Variants in LTBP1 observed in about 807,000 individuals in gnomAD.
The protein encoded by LTBP1 is latent transforming growth factor beta binding protein 1.
Under a neutral mutation model 207.6 loss-of-function variants are expected in LTBP1, and 129 were observed. That is an observed-to-expected ratio of 0.62 (90% CI 0.54 to 0.72). LTBP1 has a LOEUF of 0.72. LTBP1 is among the 30% of genes least tolerant of loss of function. LTBP1 has a pLI of 0.00. For synonymous variants in LTBP1, 963 were observed against 833.7 expected, an observed-to-expected ratio of 1.16 and a Z score of -2.67; for missense variants, 2,281 against 2,217.2, an observed-to-expected ratio of 1.03 and a Z score of -0.58.
At chr2:33,271,423 C>T (rs1250395537) in intron 15 of LTBP1, among the ~76,000 whole-genome samples, 1 of 152,046 alleles carries the variant, frequency 6.6e-6, no homozygotes, top group African/African-American at 2.4e-5. Context: ...CAGTAACTTG[C>T]AAAGGAAGCT....
At chr2:33,179,452 T>C (rs2086402257) in intron 5 of LTBP1, among the ~76,000 whole-genome samples, 2 of 148,578 alleles carry the variant, frequency 1.3e-5, no homozygotes, top group Admixed American at 1.3e-4. Flanking sequence ...ATGCATATAT[T>C]CTTAAAAAAA....
At chr2:32,989,379 AT>A (rs1684067692) in intron 2 of LTBP1, among the ~76,000 whole-genome samples, 2 of 152,336 alleles carry the variant, frequency 1.3e-5, no homozygotes, top group South Asian at 4.1e-4. Flanking sequence ...GTCACAAATC[AT>A]TTGCATAATT....
At chr2:33,385,119 A>G (rs2095254812) in intron 31 of LTBP1, among the ~76,000 whole-genome samples, 1 of 152,198 alleles carries the variant, frequency 6.6e-6, no homozygotes, top group South Asian at 2.1e-4. Flanking sequence ...AAAATGTACT[A>G]TTGTTCATAC....
intron 3 of LTBP1, among the ~76,000 whole-genome samples, chr2:33,108,923 A>T (rs2080228684): frequency 6.6e-6 from 1 of 152,240 alleles, no homozygotes; most frequent in Non-Finnish European, 1.5e-5. Flanking sequence ...AAAAGTGTTC[A>T]CAATGTTAAG....
chr2:33,369,268 G>T (rs961594232), intron 31 of LTBP1, among the ~76,000 whole-genome samples: 2 of 152,042 alleles, frequency 1.3e-5, no homozygotes, highest in Admixed American at 1.3e-4. Flanking sequence ...ATGATAAAAT[G>T]TCCAAGAAGA....
intron 10 of LTBP1, among the ~76,000 whole-genome samples, chr2:33,250,242 A>G (rs1467163282): frequency 5.9e-5 from 9 of 152,248 alleles, no homozygotes; most frequent in Non-Finnish European, 1.3e-4. Context: ...TGTCAGGTAT[A>G]TGTGGCATAA....
In LTBP1 at chr2:32,947,677, T is replaced by C; in HGVS notation, c.353T>C (p.Leu118Pro). ...PARPAVPGGQLHPNPGGHPAA... is the reference protein window; with the variant it reads ...PARPAVPGGQPHPNPGGHPAA... ...CGTCCCGCGGTCCCCGGCGGGCAGC[T>C]CCACCCCAATCCCGGCGGCCACCCG... Residue 118 changes from leucine (L) to proline (P), a missense_variant, in exon 1 of 34, where the codon CTC becomes CCC. Leu to Pro is a moderately conservative substitution (Grantham distance 98). Transcript: ENST00000404816. The C allele has an allele frequency of 6.7e-7, 1 of 1,483,564 alleles. No homozygotes were observed. The highest frequency in any genetic ancestry group is 9.0e-7 in the Non-Finnish European group (1 of 1,114,598). 91.9% of individuals were successfully genotyped at this position (1,483,564 alleles called of 1,614,324 possible).
At chr2:33,332,804 T>A (rs1301342745) in intron 24 of LTBP1, 1 of 152,222 alleles carries the variant, frequency 6.6e-6, no homozygotes, top group Non-Finnish European at 1.5e-5. Flanking sequence ...AAACAGCATT[T>A]GAGCTGAGCT....
chr2:33,347,214 A>G (rs1164848962), intron 25 of LTBP1, among the ~76,000 whole-genome samples, 153 bp from the exon 26 acceptor site: 1 of 151,634 alleles, frequency 6.6e-6, no homozygotes, highest in Non-Finnish European at 1.5e-5. Context: ...TACCTTAAAG[A>G]GCCCCTTCCC....
At chr2:33,361,130 C>G (rs571578492) in intron 27 of LTBP1, among the ~76,000 whole-genome samples, 1 of 152,234 alleles carries the variant, frequency 6.6e-6, no homozygotes, top group South Asian at 2.1e-4. Context: ...TTGATTCTTA[C>G]TAAACCTTTA....
At chr2:33,374,797 C>T (rs528167996) in intron 31 of LTBP1, among the ~76,000 whole-genome samples, 1 of 152,166 alleles carries the variant, frequency 6.6e-6, no homozygotes, top group African/African-American at 2.4e-5. Flanking sequence ...ACTAAAAATA[C>T]AAAAATTACC....
At chr2:33,095,367 A>G (rs567581331) in intron 3 of LTBP1, among the ~76,000 whole-genome samples, 1 of 152,264 alleles carries the variant, frequency 6.6e-6, no homozygotes, top group Admixed American at 6.5e-5. Context: ...TCCTGGGGAG[A>G]CTCCAAAGTT....
Position 33,335,769 on chromosome 2 carries a change from C to G in LTBP1, c.3731-7069C>G, listed in dbSNP as rs146148601. On this transcript the variant is annotated intron_variant, in intron 24 of 33. Coordinates refer to ENST00000404816, the MANE Select transcript of LTBP1 (RefSeq NM_206943.4). Reference sequence around the variant, plus strand: ...CTTGTTGGCTGAGATTTACTCTCTCCTAGCCGGCTTCCATTCCTTTCAGAA... The same window carrying G: ...CTTGTTGGCTGAGATTTACTCTCTCGTAGCCGGCTTCCATTCCTTTCAGAA... 3.9e-5 allele frequency among the ~76,000 whole-genome samples: 6 copies of G among 152,270 alleles called. No individual in the cohort carries two copies. In the East Asian group the frequency reaches 1.2e-3, roughly 29 times the overall value.
chr2:33,250,228 A>G (rs190442234), intron 10 of LTBP1, among the ~76,000 whole-genome samples: 120 of 152,340 alleles, frequency 7.9e-4, no homozygotes, highest in African/African-American at 2.6e-3. Context: ...TAAATGGCAC[A>G]CCCTGTCAGG....
intron 3 of LTBP1, among the ~76,000 whole-genome samples, chr2:33,078,528 A>T (rs2078205911): frequency 6.6e-6 from 1 of 152,210 alleles, no homozygotes; most frequent in Non-Finnish European, 1.5e-5. Context: ...TAATTGTGGG[A>T]ATAATTATCA....
chr2:33,053,581 G>A (rs1158881688), intron 3 of LTBP1, among the ~76,000 whole-genome samples: 2 of 151,878 alleles, frequency 1.3e-5, no homozygotes, highest in African/African-American at 4.8e-5. Context: ...TTGATTAGAG[G>A]GGCCTGGCTA....
intron 5 of LTBP1, among the ~76,000 whole-genome samples, chr2:33,140,360 T>C (rs1169592240): frequency 6.6e-6 from 1 of 152,258 alleles, no homozygotes; most frequent in Non-Finnish European, 1.5e-5. Context: ...TTCGTCATTG[T>C]TTGGACTCCT....
At chr2:32,992,454 G>A (rs1381451332) in intron 2 of LTBP1, among the ~76,000 whole-genome samples, 2 of 152,142 alleles carry the variant, frequency 1.3e-5, no homozygotes, top group Non-Finnish European at 2.9e-5. Context: ...CAAAAGAAGG[G>A]GAGTATCTTA....
chr2:33,262,475 T>C (rs2093042302), intron 13 of LTBP1, among the ~76,000 whole-genome samples: 1 of 151,682 alleles, frequency 6.6e-6, no homozygotes, highest in Non-Finnish European at 1.5e-5. Context: ...GCTGAAGATA[T>C]GTGCGTGGAT....
Sources: gnomAD v4.1 joint callset for allele counts (sites outside exome capture counted in the v4.1 genomes callset) on GRCh38, gnomAD v4.1.1 for gene constraint, MANE v1.5 for transcripts, NCBI Gene and HGNC (gene_info 2026-07-23, HGNC 2026-07-21) for gene names.